The following STK24 variants were observed in gnomAD, a reference collection of about 807,000 sequenced individuals.
The protein encoded by STK24 is serine/threonine kinase 24.
A neutral mutation model predicts 55.6 loss-of-function variants in STK24; 21 were observed. The observed-to-expected ratio is 0.38, with a 90% CI of 0.27 to 0.54. The LOEUF is 0.54. STK24 is among the 20% of genes least tolerant of loss of function. The pLI, the probability that STK24 is intolerant of heterozygous loss-of-function variation, is 0.79. For synonymous variants in STK24, 200 were observed against 215.2 expected (o/e 0.93, Z 0.62); for missense variants, 383 against 538.4 (o/e 0.71, Z 2.86).
intron 3 of STK24, among the ~76,000 whole-genome samples, chr13:98,480,884 C>T (rs1438046806): frequency 6.6e-6 from 1 of 152,230 alleles, no homozygotes; most frequent in Non-Finnish European, 1.5e-5. Context: ...ACCACTGTAC[C>T]AGGCCTAAGA....
chr13:98,466,914 C>A (rs1325719116), intron 5 of STK24, among the ~76,000 whole-genome samples: 2 of 152,152 alleles, frequency 1.3e-5, no homozygotes, highest in Non-Finnish European at 2.9e-5. Flanking sequence ...CGCGAGTCAC[C>A]CCCTCCAGCA....
intron 1 of STK24, among the ~76,000 whole-genome samples, chr13:98,530,104 TACACACACACACGC>T (rs757254733): frequency 1.3e-3 from 61 of 45,778 alleles, no homozygotes; most frequent in Non-Finnish European, 2.8e-3. Flanking sequence ...CACACAGATA[TACACACACACACGC>T]ACACACACAC....
chr13:98,493,822 TA>T (rs1268043449), intron 2 of STK24, among the ~76,000 whole-genome samples: 3 of 150,948 alleles, frequency 2.0e-5, no homozygotes, highest in Non-Finnish European at 4.4e-5. Context: ...GACTTAACGG[TA>T]TTCTGCAAAA....
At chr13:98,554,083 A>AG (rs10713930) in intron 1 of STK24, among the ~76,000 whole-genome samples, 1 of 151,080 alleles carries the variant, frequency 6.6e-6, no homozygotes, top group African/African-American at 2.4e-5. Context: ...AAAAAAAAAA[A>AG]GGAAGGAAAG....
rs151074430 is a variant in STK24 at position 98,446,130 on chromosome 13, C to T, written c.*7043G>A. ...TGTCTGGAAACCTGCTGAGGAAATT[C>T]AAAAACAGCAACGGGTGGCAGAAGC... On this transcript the variant is annotated 3_prime_UTR_variant, in exon 11 of 11. Coordinates refer to ENST00000539966, the MANE Select transcript of STK24 (RefSeq NM_001032296.4). The T allele has an allele frequency of 9.2e-5, 149 of 1,614,008 alleles. No individual in the cohort carries two copies. In the African/African-American group the frequency reaches 1.9e-3, roughly 21 times the overall value.
intron 2 of STK24, among the ~76,000 whole-genome samples, chr13:98,487,314 G>A (rs1010071684): frequency 2.2e-4 from 33 of 152,126 alleles, no homozygotes; most frequent in African/African-American, 7.2e-4. Context: ...GACTTTAATC[G>A]AAATAATTTC....
intron 10 of STK24, chr13:98,454,302 G>A (rs1228172329): frequency 6.6e-6 from 1 of 152,108 alleles, no homozygotes; most frequent in African/African-American, 2.4e-5. Context: ...GACAACAAAG[G>A]GTGAGAACGG....
intron 10 of STK24, chr13:98,454,539 T>C (rs1232332086): frequency 6.6e-6 from 1 of 152,150 alleles, no homozygotes; most frequent in East Asian, 1.9e-4. Flanking sequence ...GACTCAACTA[T>C]CAAGAAATAC....
intron 1 of STK24, among the ~76,000 whole-genome samples, chr13:98,544,020 G>A (rs1896966881): frequency 6.6e-6 from 1 of 152,190 alleles, no homozygotes; most frequent in Non-Finnish European, 1.5e-5. Flanking sequence ...TTTAAAAATA[G>A]CTATGAAGAG....
intron 1 of STK24, among the ~76,000 whole-genome samples, chr13:98,546,153 T>G (rs1897024162): frequency 6.6e-6 from 1 of 152,158 alleles, no homozygotes; most frequent in Non-Finnish European, 1.5e-5. Context: ...CTGGGCAGGG[T>G]GCTGGGGTCC....
chr13:98,548,792 G>A (rs543674183), intron 1 of STK24, among the ~76,000 whole-genome samples: 4 of 150,000 alleles, frequency 2.7e-5, no homozygotes, highest in Non-Finnish European at 5.9e-5. Flanking sequence ...AACTTGAGAG[G>A]TGGAGGTTGC....
intron 2 of STK24, among the ~76,000 whole-genome samples, chr13:98,495,294 C>T (rs557600292): frequency 1.3e-5 from 2 of 152,314 alleles, no homozygotes; most frequent in South Asian, 4.1e-4. Context: ...ATCTAATTAA[C>T]ATTTGTGATC....
intron 1 of STK24, among the ~76,000 whole-genome samples, chr13:98,569,159 A>G (rs1897668414): frequency 6.6e-6 from 1 of 152,208 alleles, no homozygotes; most frequent in Admixed American, 6.5e-5. Flanking sequence ...GCACACACAG[A>G]AGCCGGTGCT....
intron 9 of STK24, 45 bp downstream of exon 9, chr13:98,460,327 C>T: frequency 6.5e-7 from 1 of 1,545,328 alleles, no homozygotes; most frequent in Admixed American, 1.7e-5. Flanking sequence ...CCAGCTTCTC[C>T]TTCCCCCTCC....
chr13:98,490,245 T>C (rs562446395), intron 2 of STK24, among the ~76,000 whole-genome samples: 2 of 152,230 alleles, frequency 1.3e-5, no homozygotes, highest in Non-Finnish European at 2.9e-5. Flanking sequence ...TTTTCTCTCA[T>C]TAATATGTCA....
intron 1 of STK24, among the ~76,000 whole-genome samples, chr13:98,560,242 C>A (rs1391563125): frequency 6.6e-6 from 1 of 152,216 alleles, no homozygotes; most frequent in South Asian, 2.1e-4. Context: ...CCACTCAACG[C>A]TGCTCAACGC....
intron 1 of STK24, among the ~76,000 whole-genome samples, chr13:98,535,394 TGTATAC>T (rs1372963015): frequency 0.027 from 2,807 of 104,112 alleles, 89 homozygotes; most frequent in African/African-American, 0.099. Context: ...TATATATGTG[TGTATAC>T]ACACACACAC....
In STK24 at chr13:98,450,077, G is replaced by A. The variant is rs1893115274; in HGVS notation, c.*3096C>T. The A allele has an allele frequency of 6.6e-6, 1 of 152,198 alleles. No individual in the cohort carries two copies. The highest frequency in any genetic ancestry group is 1.5e-5 in the Non-Finnish European group (1 of 68,044). 9.4% of individuals were successfully genotyped at this position (152,198 alleles called of 1,614,324 possible). ...TCCAAACTACTTGCTGGACACTGGT[G>A]GTTCTGACCTGTGACCAGCACCTCT... On this transcript the variant is annotated 3_prime_UTR_variant, in exon 11 of 11. Transcript: ENST00000539966.
At chr13:98,489,905 G>GAAAGTAAGAGCGAGGAGAAAAGC (rs1421144017) in intron 2 of STK24, among the ~76,000 whole-genome samples, 27 of 152,320 alleles carry the variant, frequency 1.8e-4, no homozygotes, top group Non-Finnish European at 3.4e-4. Context: ...AGGAGAAAAG[G>GAAAGTAAGAGCGAGGAGAAAAGC]AAAGTAAGAG....
Sources: gnomAD v4.1 joint callset for allele counts (sites outside exome capture counted in the v4.1 genomes callset) on GRCh38, gnomAD v4.1.1 for gene constraint, MANE v1.5 for transcripts, NCBI Gene and HGNC (gene_info 2026-07-23, HGNC 2026-07-21) for gene names.